The following RNGTT variants were observed in gnomAD, a reference collection of about 807,000 sequenced individuals.
RNGTT encodes mRNA-capping enzyme.
RNGTT carries 33 observed loss-of-function variants against 79.3 expected under a neutral mutation model. The observed-to-expected ratio is 0.42, with a 90% confidence interval of 0.32 to 0.56. The LOEUF is 0.56. Ranked by LOEUF, RNGTT falls within the 20% of genes least tolerant of loss-of-function variation. RNGTT has a pLI of 0.17. For synonymous variants in RNGTT, 222 were observed against 235.9 expected, an observed-to-expected ratio of 0.94 and a Z score of 0.54; for missense variants, 497 against 739.1, an observed-to-expected ratio of 0.67 and a Z score of 3.80.
At chr6:88,775,213 A>C (rs1778836181) in intron 12 of RNGTT, among the ~76,000 whole-genome samples, 1 of 152,122 alleles carries the variant, frequency 6.6e-6, no homozygotes, top group East Asian at 1.9e-4. Flanking sequence ...CCATCTCCTC[A>C]CAGTTACCTT....
intron 11 of RNGTT, among the ~76,000 whole-genome samples, chr6:88,813,819 C>A (rs942375808): frequency 6.6e-6 from 1 of 152,156 alleles, no homozygotes; most frequent in African/African-American, 2.4e-5. Flanking sequence ...ATGCTTCCCT[C>A]CATCACAAGC....
intron 13 of RNGTT, among the ~76,000 whole-genome samples, chr6:88,755,739 C>A (rs2127832834): frequency 6.6e-6 from 1 of 151,748 alleles, no homozygotes; most frequent in African/African-American, 2.4e-5. Flanking sequence ...AAGGCAGGTG[C>A]ATCACGAGGT....
At chr6:88,788,130 T>C (rs956940659) in intron 12 of RNGTT, among the ~76,000 whole-genome samples, 1 of 152,192 alleles carries the variant, frequency 6.6e-6, no homozygotes, top group Non-Finnish European at 1.5e-5. Context: ...CAAAAGGCAG[T>C]ATCAGAGTGG....
At chr6:88,731,864 C>T (rs891225987) in intron 13 of RNGTT, among the ~76,000 whole-genome samples, 2 of 151,916 alleles carry the variant, frequency 1.3e-5, no homozygotes, top group Non-Finnish European at 1.5e-5. Context: ...ATAACATAAT[C>T]AATTAACATA....
At chr6:88,814,160 AG>A (rs936381441) in intron 11 of RNGTT, among the ~76,000 whole-genome samples, 2 of 152,164 alleles carry the variant, frequency 1.3e-5, no homozygotes, top group African/African-American at 4.8e-5. Flanking sequence ...GTATTATGAA[AG>A]GGGTAAGATT....
chr6:88,725,670 G>A (rs34854525), intron 13 of RNGTT, among the ~76,000 whole-genome samples: 18,056 of 152,184 alleles, frequency 0.12, 1,193 homozygotes, highest in Middle Eastern at 0.24. Flanking sequence ...AGGGGGAGTT[G>A]AATCTCAAAA....
At chr6:88,680,247 T>C (rs1246473850) in intron 13 of RNGTT, among the ~76,000 whole-genome samples, 2 of 152,216 alleles carry the variant, frequency 1.3e-5, no homozygotes, top group African/African-American at 4.8e-5. Context: ...ATTCATAATT[T>C]AACTTCTCTG....
intron 13 of RNGTT, among the ~76,000 whole-genome samples, chr6:88,698,138 T>G (rs1187543211): frequency 3.6e-5 from 4 of 111,048 alleles, no homozygotes; most frequent in African/African-American, 1.9e-4. Flanking sequence ...ATATATATGA[T>G]ATATATATGA....
intron 4 of RNGTT, among the ~76,000 whole-genome samples, chr6:88,923,324 C>T (rs1784219637): frequency 6.6e-6 from 1 of 152,104 alleles, no homozygotes; most frequent in Non-Finnish European, 1.5e-5. Context: ...TCTTTATGTC[C>T]ATCTCTGACT....
intron 14 of RNGTT, among the ~76,000 whole-genome samples, chr6:88,662,226 T>C (rs1774213173): frequency 6.6e-6 from 1 of 151,908 alleles, no homozygotes; most frequent in African/African-American, 2.4e-5. Context: ...AAAGAAGAAG[T>C]GAGATCAATA....
intron 14 of RNGTT, among the ~76,000 whole-genome samples, chr6:88,665,328 C>G (rs1774357566): frequency 1.3e-5 from 2 of 152,164 alleles, no homozygotes; most frequent in Admixed American, 1.3e-4. Context: ...AAACCAGTAT[C>G]CAGTCCCCAG....
chr6:88,614,722 T>C (rs1772156532), intron 14 of RNGTT, among the ~76,000 whole-genome samples: 1 of 152,218 alleles, frequency 6.6e-6, no homozygotes, highest in Admixed American at 6.5e-5. Flanking sequence ...TGTCTGTGTC[T>C]CTACGGCTTT....
At chr6:88,718,898 C>A (rs1776613828) in intron 13 of RNGTT, among the ~76,000 whole-genome samples, 1 of 152,112 alleles carries the variant, frequency 6.6e-6, no homozygotes, top group Non-Finnish European at 1.5e-5. Flanking sequence ...TGATATATTT[C>A]TTTTAAAATA....
chr6:88,630,823 A>G (rs1283189202), intron 14 of RNGTT, among the ~76,000 whole-genome samples: 1 of 151,990 alleles, frequency 6.6e-6, no homozygotes, highest in Non-Finnish European at 1.5e-5. Context: ...TTTTGCTTAA[A>G]TATTTTTTTA....
chr6:88,837,258 G>A (rs1214076872), intron 11 of RNGTT, among the ~76,000 whole-genome samples: 2 of 152,032 alleles, frequency 1.3e-5, no homozygotes, highest in African/African-American at 4.8e-5. Flanking sequence ...TTAGCTGAGT[G>A]TGGTGGCACG....
At chr6:88,816,718 C>T (rs1780324740) in intron 11 of RNGTT, among the ~76,000 whole-genome samples, 1 of 152,056 alleles carries the variant, frequency 6.6e-6, no homozygotes, top group African/African-American at 2.4e-5. Context: ...TCAAAAAAAC[C>T]TTTGCGAGCA....
In RNGTT at chr6:88,812,933, C is replaced by A. The variant is rs74398965; in HGVS notation, c.1270-11301G>T. On this transcript the variant is annotated intron_variant, in intron 11 of 15. Coordinates refer to ENST00000369485, the MANE Select transcript of RNGTT (RefSeq NM_003800.5). ...ATTTACTGAGTACTAATTACATATT[C>A]ATTTTTAGAAAATGATGAGAAGAGC... Among the ~76,000 whole-genome samples the A allele has an allele frequency of 3.3e-5, 5 of 152,238 alleles. No individual in the cohort carries two copies. In the East Asian group the frequency reaches 7.7e-4, roughly 23 times the overall value.
chr6:88,910,536 A>G (rs9451101), intron 4 of RNGTT, among the ~76,000 whole-genome samples: 95,901 of 152,052 alleles, frequency 0.63, 31,622 homozygotes, highest in African/African-American at 0.83. Flanking sequence ...CGATATTCCT[A>G]AGAAGAAAGA....
chr6:88,754,668 C>A (rs1475442131), intron 13 of RNGTT, among the ~76,000 whole-genome samples: 1 of 152,170 alleles, frequency 6.6e-6, no homozygotes, highest in Non-Finnish European at 1.5e-5. Context: ...ATGATGCCCC[C>A]GCTGAAGGCT....
Sources: gnomAD v4.1 joint callset for allele counts (sites outside exome capture counted in the v4.1 genomes callset) on GRCh38, gnomAD v4.1.1 for gene constraint, MANE v1.5 for transcripts, NCBI Gene and HGNC (gene_info 2026-07-23, HGNC 2026-07-21) for gene names.